Variants in LUZP2 observed in about 807,000 individuals in gnomAD.
LUZP2 encodes leucine zipper protein 2.
LUZP2 carries 52 observed loss-of-function variants against 51.6 expected under a neutral mutation model. The observed-to-expected ratio is 1.01, with a 90% confidence interval of 0.81 to 1.27. The LOEUF is 1.27. Ranked by LOEUF, LUZP2 falls within the 50% of genes most tolerant of loss-of-function variation. The probability of loss-of-function intolerance (pLI) is 0.00; values close to 1 mark genes in which losing one functional copy is unlikely to be tolerated. For synonymous variants in LUZP2, 154 were observed against 137.3 expected (o/e 1.12, Z -0.85); for missense variants, 436 against 395.4 (o/e 1.10, Z -0.87).
chr11:24,789,873 C>T (rs1376128528), intron 5 of LUZP2, among the ~76,000 whole-genome samples: 4 of 152,180 alleles, frequency 2.6e-5, no homozygotes, highest in Non-Finnish European at 5.9e-5. Flanking sequence ...AAGGGCTGCA[C>T]TTTCTAATAT....
intron 1 of LUZP2, among the ~76,000 whole-genome samples, chr11:24,627,805 A>T (rs1240099430): frequency 1.3e-5 from 2 of 152,152 alleles, no homozygotes; most frequent in African/African-American, 4.8e-5. Flanking sequence ...CCATTGGATG[A>T]CAGGCAGTGT....
rs1170673994 is a variant in LUZP2 at position 24,837,809 on chromosome 11, A to G, written c.397-68182A>G. Among the ~76,000 whole-genome samples, 5 of 151,678 alleles carry G rather than the reference A, an allele frequency of 3.3e-5. 1 individual carries two copies. Among genetic ancestry groups the G allele is most frequent in the African/African-American group, 9.7e-5 (4 of 41,410 alleles). On this transcript the variant is annotated intron_variant, in intron 5 of 11. Transcript: ENST00000336930. ...TGTAGTTCTACATGCTCAATATACT[A>G]TAATTCCCTTTACTGTCCCCCATCT...
intron 1 of LUZP2, among the ~76,000 whole-genome samples, chr11:24,660,581 G>A (rs770580966): frequency 2.0e-5 from 3 of 152,068 alleles, no homozygotes; most frequent in Non-Finnish European, 4.4e-5. Flanking sequence ...AGAGTGTCTG[G>A]ATTAAAGCGA....
At chr11:24,835,080 A>G (rs867597067) in intron 5 of LUZP2, among the ~76,000 whole-genome samples, 15 of 152,132 alleles carry the variant, frequency 9.9e-5, no homozygotes, top group Middle Eastern at 6.3e-3. Context: ...TACAGTAACT[A>G]AAACAGCATG....
At chr11:24,741,232 T>TAAG (rs1232940041) in intron 4 of LUZP2, among the ~76,000 whole-genome samples, 15 of 151,974 alleles carry the variant, frequency 9.9e-5, no homozygotes, top group Admixed American at 2.0e-4. Context: ...TGACCTCGGG[T>TAAG]TCTCAGAGAC....
intron 9 of LUZP2, among the ~76,000 whole-genome samples, chr11:25,031,287 G>A (rs973616314): frequency 4.6e-5 from 7 of 151,628 alleles, no homozygotes; most frequent in Non-Finnish European, 7.4e-5. Context: ...TGGTATTACA[G>A]GCGTGAGCCA....
At chr11:24,765,457 T>C (rs962844716) in intron 5 of LUZP2, among the ~76,000 whole-genome samples, 2 of 152,116 alleles carry the variant, frequency 1.3e-5, no homozygotes. Context: ...TTGAGGGTTT[T>C]TATCATAAAG....
chr11:24,864,535 C>T (rs1444462878), intron 5 of LUZP2, among the ~76,000 whole-genome samples: 1 of 152,144 alleles, frequency 6.6e-6, no homozygotes, highest in African/African-American at 2.4e-5. Flanking sequence ...TCTCTCTTTC[C>T]ATTGCTGGGC....
chr11:24,722,633 C>A (rs564014775), intron 1 of LUZP2, among the ~76,000 whole-genome samples: 1 of 152,124 alleles, frequency 6.6e-6, no homozygotes, highest in South Asian at 2.1e-4. Flanking sequence ...ATTGAAAATT[C>A]AGGGCCAGGC....
At chr11:24,710,871 G>A (rs1031647827) in intron 1 of LUZP2, among the ~76,000 whole-genome samples, 11 of 150,378 alleles carry the variant, frequency 7.3e-5, no homozygotes, top group Admixed American at 6.7e-5. Flanking sequence ...TCAAAATCTG[G>A]CGAGAAGAAA....
At chr11:25,059,374 A>T (rs1299014447) in intron 10 of LUZP2, among the ~76,000 whole-genome samples, 1 of 152,212 alleles carries the variant, frequency 6.6e-6, no homozygotes, top group East Asian at 1.9e-4. Context: ...AATAGAGTAT[A>T]ATTAAAAATA....
intron 1 of LUZP2, among the ~76,000 whole-genome samples, chr11:24,631,835 A>C (rs764653025): frequency 1.7e-4 from 26 of 151,984 alleles, no homozygotes; most frequent in African/African-American, 9.6e-5. Context: ...TTTTTGAGAG[A>C]TATTTTATTA....
chr11:24,581,600 G>A (rs1054044859), intron 1 of LUZP2, among the ~76,000 whole-genome samples: 36 of 151,820 alleles, frequency 2.4e-4, no homozygotes, highest in African/African-American at 6.1e-4. Flanking sequence ...GAACTCGGGA[G>A]GTGGAGGCAT....
At chr11:25,021,292 G>A (rs112256992) in intron 9 of LUZP2, among the ~76,000 whole-genome samples, 1,917 of 114,750 alleles carry the variant, frequency 0.017, 18 homozygotes, top group Middle Eastern at 0.062. Flanking sequence ...GGATAATTGG[G>A]AATTTGTCAG....
intron 1 of LUZP2, among the ~76,000 whole-genome samples, chr11:24,680,793 C>T (rs1856707874): frequency 6.6e-6 from 1 of 152,074 alleles, no homozygotes; most frequent in Non-Finnish European, 1.5e-5. Context: ...AATCAAGGCT[C>T]AGAATCTAAA....
chr11:24,732,063 G>C, intron 2 of LUZP2, 55 bp from the exon 3 acceptor site: 1 of 1,359,400 alleles, frequency 7.4e-7, no homozygotes, highest in South Asian at 1.2e-5. Context: ...CAAAGTTAAA[G>C]TGAGTCTCAA....
At chr11:24,601,848 G>GTATATA (rs67762793) in intron 1 of LUZP2, among the ~76,000 whole-genome samples, 2 of 136,818 alleles carry the variant, frequency 1.5e-5, no homozygotes, top group African/African-American at 5.6e-5. Context: ...AAATAAACAG[G>GTATATA]TATATATATA....
At chr11:24,690,847 T>C (rs1270932728) in intron 1 of LUZP2, among the ~76,000 whole-genome samples, 1 of 151,962 alleles carries the variant, frequency 6.6e-6, no homozygotes, top group Admixed American at 6.6e-5. Context: ...TTTCTCATAG[T>C]GGGAGAGAAA....
intron 4 of LUZP2, among the ~76,000 whole-genome samples, chr11:24,748,240 C>T (rs4134406): frequency 1.3e-5 from 2 of 152,102 alleles, no homozygotes; most frequent in South Asian, 4.1e-4. Context: ...TTCTCTACCC[C>T]TATATTTTGC....
Sources: allele counts gnomAD v4.1 joint callset (sites outside exome capture counted in the v4.1 genomes callset), GRCh38; gene constraint gnomAD v4.1.1; transcripts MANE v1.5; gene names NCBI Gene and HGNC (gene_info 2026-07-23, HGNC 2026-07-21).